The following NALF1 variants were observed in gnomAD, a reference collection of about 807,000 sequenced individuals.
NALF1 encodes NALCN channel auxiliary factor 1.
A neutral mutation model predicts 48.4 loss-of-function variants in NALF1; 3 were observed. The observed-to-expected ratio is 0.06, with a 90% CI of 0.03 to 0.16. NALF1 has a LOEUF of 0.16. Among genes scored for constraint, NALF1 ranks in the 10% least tolerant of loss-of-function variants. The pLI is 1.00. For synonymous variants in NALF1, 262 were observed against 245.7 expected (o/e 1.07, Z -0.62); for missense variants, 526 against 571.5 (o/e 0.92, Z 0.81).
At chr13:107,276,110 C>T (rs1881275722) in intron 1 of NALF1, among the ~76,000 whole-genome samples, 1 of 152,244 alleles carries the variant, frequency 6.6e-6, no homozygotes, top group East Asian at 1.9e-4. Flanking sequence ...CCAGCGGCAT[C>T]CCACCCCTTC....
intron 1 of NALF1, among the ~76,000 whole-genome samples, chr13:107,521,380 T>C (rs538042962): frequency 6.6e-6 from 1 of 152,324 alleles, no homozygotes; most frequent in African/African-American, 2.4e-5. Flanking sequence ...GATTTCTTAG[T>C]GTAATAGAAA....
At chr13:107,238,242 AC>A (rs1880393693) in intron 1 of NALF1, among the ~76,000 whole-genome samples, 1 of 152,192 alleles carries the variant, frequency 6.6e-6, no homozygotes, top group Admixed American at 6.5e-5. Context: ...ATCACTGCTC[AC>A]CCAGCATGGG....
At chr13:107,684,644 C>G (rs538551296) in intron 1 of NALF1, among the ~76,000 whole-genome samples, 4 of 152,194 alleles carry the variant, frequency 2.6e-5, no homozygotes, top group Admixed American at 6.5e-5. Flanking sequence ...AATAGACTCT[C>G]TGGCTGGTGG....
In NALF1 at chr13:107,170,235, C is replaced by T. The variant is rs191764949; in HGVS notation, c.*262G>A. 3 of 366,402 alleles carry T rather than the reference C, an allele frequency of 8.2e-6. No individual in the cohort carries two copies. Among genetic ancestry groups the T allele is most frequent in the Admixed American group, 8.4e-5 (2 of 23,884 alleles). The allele number at this position is 366,402 out of a possible 1,614,324, so 22.7% of individuals were successfully genotyped here. A position where few individuals can be genotyped will look rare whatever the true frequency, so the allele number is the denominator to read the frequency against. On this transcript the variant is annotated 3_prime_UTR_variant, in exon 3 of 3. Transcript: ENST00000375915. Reference sequence around the variant, plus strand: ...ACAAACAAATAAACCCAAACCAAAACGAAAGCAAATAAAACCTCCAAACAT... The same window carrying T: ...ACAAACAAATAAACCCAAACCAAAATGAAAGCAAATAAAACCTCCAAACAT...
chr13:107,361,110 C>G (rs1351105914), intron 1 of NALF1, among the ~76,000 whole-genome samples: 2 of 152,134 alleles, frequency 1.3e-5, no homozygotes, highest in African/African-American at 2.4e-5. Flanking sequence ...GATCAGCAAC[C>G]CAGAGCTTGC....
At chr13:107,538,086 T>C (rs922806272) in intron 1 of NALF1, among the ~76,000 whole-genome samples, 1 of 152,104 alleles carries the variant, frequency 6.6e-6, no homozygotes, top group African/African-American at 2.4e-5. Context: ...TAATCTTAAT[T>C]AATGTAGTGA....
At chr13:107,727,234 T>A (rs1007083374) in intron 1 of NALF1, among the ~76,000 whole-genome samples, 1 of 152,206 alleles carries the variant, frequency 6.6e-6, no homozygotes, top group South Asian at 2.1e-4. Flanking sequence ...ATAATACACA[T>A]AAAGAAACAA....
intron 1 of NALF1, among the ~76,000 whole-genome samples, chr13:107,504,684 A>G (rs749082243): frequency 3.9e-5 from 6 of 152,174 alleles, no homozygotes; most frequent in Non-Finnish European, 7.4e-5. Flanking sequence ...CACTAACCTC[A>G]GCCCCAAAAA....
intron 1 of NALF1, among the ~76,000 whole-genome samples, chr13:107,669,805 A>G (rs888473221): frequency 1.6e-4 from 24 of 152,140 alleles, no homozygotes; most frequent in African/African-American, 5.5e-4. Context: ...GCAAGCCAGA[A>G]CAAATGCAAC....
chr13:107,217,501 T>C (rs939004893), intron 1 of NALF1, among the ~76,000 whole-genome samples: 1 of 152,226 alleles, frequency 6.6e-6, no homozygotes. Context: ...GTCTTTAAAA[T>C]AGTGAAGCCT....
At chr13:107,617,310 C>A (rs1370560732) in intron 1 of NALF1, among the ~76,000 whole-genome samples, 2 of 152,062 alleles carry the variant, frequency 1.3e-5, no homozygotes, top group East Asian at 1.9e-4. Flanking sequence ...TTAAAGGGGT[C>A]ATTTAATTTA....
chr13:107,485,054 C>T (rs1390389116), intron 1 of NALF1, among the ~76,000 whole-genome samples: 1 of 152,084 alleles, frequency 6.6e-6, no homozygotes, highest in Non-Finnish European at 1.5e-5. Flanking sequence ...TGCTAGGTAA[C>T]TCACATAAGG....
intron 2 of NALF1, among the ~76,000 whole-genome samples, chr13:107,188,537 T>A (rs1879222823): frequency 1.3e-5 from 2 of 152,184 alleles, no homozygotes; most frequent in Non-Finnish European, 1.5e-5. Context: ...GGGCAAATTT[T>A]AAGTAATTAA....
chr13:107,510,749 G>A (rs569898609), intron 1 of NALF1, among the ~76,000 whole-genome samples: 2 of 152,146 alleles, frequency 1.3e-5, no homozygotes, highest in East Asian at 1.9e-4. Flanking sequence ...TGACCATGAT[G>A]GACCACGAGC....
At chr13:107,573,606 C>A (rs1375243923) in intron 1 of NALF1, among the ~76,000 whole-genome samples, 1 of 152,068 alleles carries the variant, frequency 6.6e-6, no homozygotes, top group Non-Finnish European at 1.5e-5. Flanking sequence ...TTTAGCTACT[C>A]TTTCCTTGAT....
intron 1 of NALF1, among the ~76,000 whole-genome samples, chr13:107,620,652 AT>A (rs1405087351): frequency 6.6e-6 from 1 of 152,154 alleles, no homozygotes; most frequent in Non-Finnish European, 1.5e-5. Context: ...TAGGATAGAA[AT>A]TGTAACCACT....
At chr13:107,590,924 TGATG>T (rs1210715722) in intron 1 of NALF1, among the ~76,000 whole-genome samples, 1 of 151,996 alleles carries the variant, frequency 6.6e-6, no homozygotes, top group Admixed American at 6.6e-5. Context: ...TAGCTGTAGT[TGATG>T]GATTAAACAT....
chr13:107,349,465 G>A (rs564645327), intron 1 of NALF1, among the ~76,000 whole-genome samples: 1 of 152,172 alleles, frequency 6.6e-6, no homozygotes, highest in East Asian at 1.9e-4. Context: ...ACTGAGGGCC[G>A]GGTGCAGTGG....
chr13:107,754,225 T>C (rs1307238020), intron 1 of NALF1, among the ~76,000 whole-genome samples: 2 of 152,156 alleles, frequency 1.3e-5, no homozygotes, highest in Non-Finnish European at 2.9e-5. Flanking sequence ...TGAGATTAGT[T>C]AGATGGTAGT....
Sources: allele counts gnomAD v4.1 joint callset (sites outside exome capture counted in the v4.1 genomes callset), GRCh38; gene constraint gnomAD v4.1.1; transcripts MANE v1.5; gene names NCBI Gene and HGNC (gene_info 2026-07-23, HGNC 2026-07-21).